The following KCNAB1 variants were observed in gnomAD, a reference collection of about 807,000 sequenced individuals.
The protein encoded by KCNAB1 is potassium voltage-gated channel subfamily A regulatory beta subunit 1, also known as voltage-gated potassium channel subunit beta-1.
Under a neutral mutation model 64.6 loss-of-function variants are expected in KCNAB1, and 35 were observed. The ratio of observed to expected loss-of-function variants is 0.54; its 90% CI spans 0.41 to 0.72. The LOEUF is 0.72. Ranked by LOEUF, KCNAB1 falls within the 30% of genes least tolerant of loss-of-function variation. The pLI is 0.00. For missense variants in KCNAB1, 401 were observed against 512.9 expected (o/e 0.78, Z 2.11); for synonymous variants, 177 against 183.8 (o/e 0.96, Z 0.30).
At chr3:156,237,344 C>T (rs2108443642) in intron 1 of KCNAB1, among the ~76,000 whole-genome samples, 1 of 152,072 alleles carries the variant, frequency 6.6e-6, no homozygotes, top group East Asian at 1.9e-4. Context: ...AGAAAGTAAA[C>T]AGGGTTTTTC....
At chr3:156,195,957 T>G (rs1465825228) in intron 1 of KCNAB1, among the ~76,000 whole-genome samples, 1 of 152,184 alleles carries the variant, frequency 6.6e-6, no homozygotes, top group Non-Finnish European at 1.5e-5. Context: ...TGAAGTTAAT[T>G]TTTGTATAAA....
intron 1 of KCNAB1, among the ~76,000 whole-genome samples, chr3:156,297,987 T>C (rs140043796): frequency 2.0e-5 from 3 of 152,352 alleles, no homozygotes; most frequent in Non-Finnish European, 4.4e-5. Flanking sequence ...TTATTGTTTT[T>C]TGGTAAAGAA....
intron 8 of KCNAB1, among the ~76,000 whole-genome samples, chr3:156,479,637 TA>T (rs1305318313): frequency 1.3e-5 from 2 of 152,210 alleles, no homozygotes; most frequent in Non-Finnish European, 2.9e-5. Flanking sequence ...AAATTTTAGT[TA>T]GTTTTTTATT....
chr3:156,272,094 G>A (rs1560168088), intron 1 of KCNAB1, among the ~76,000 whole-genome samples: 1 of 152,150 alleles, frequency 6.6e-6, no homozygotes, highest in Non-Finnish European at 1.5e-5. Flanking sequence ...TGGAGCTGGG[G>A]GAGGAGTGAC....
intron 1 of KCNAB1, among the ~76,000 whole-genome samples, chr3:156,295,242 G>A (rs186807802): frequency 1.5e-3 from 224 of 152,244 alleles, no homozygotes; most frequent in Non-Finnish European, 2.6e-3. Flanking sequence ...TGGGGCATGA[G>A]TAATTGTGCG....
At chr3:156,309,637 T>A (rs1398122988) in intron 1 of KCNAB1, among the ~76,000 whole-genome samples, 6 of 152,192 alleles carry the variant, frequency 3.9e-5, no homozygotes, top group Non-Finnish European at 8.8e-5. Flanking sequence ...CCCATTAAAA[T>A]TAAAATAATA....
Position 156,508,104 on chromosome 3 carries a change from A to C in KCNAB1, c.659-6260A>C, listed in dbSNP as rs1304433952. On this transcript the variant is annotated intron_variant, in intron 8 of 13. Transcript: ENST00000490337. The surrounding 1 kb of genome is among the most constrained non-coding windows in gnomAD (Gnocchi z 4.1). ...TTCTCAGTATTTTGCAAGCATATTT[A>C]AAATATTTATAATTGTTAATAATAT... Among the ~76,000 whole-genome samples the C allele has an allele frequency of 6.6e-6, 1 of 152,186 alleles. No homozygotes were observed. Among genetic ancestry groups the C allele is most frequent in the East Asian group, 1.9e-4 (1 of 5,206 alleles).
At chr3:156,229,183 A>G (rs35489883) in intron 1 of KCNAB1, among the ~76,000 whole-genome samples, 17,198 of 152,228 alleles carry the variant, frequency 0.11, 1,227 homozygotes, top group Non-Finnish European at 0.16. Context: ...CCTGAGACTG[A>G]GTAATTTGTA....
At chr3:156,133,798 A>G (rs1044677072) in intron 1 of KCNAB1, among the ~76,000 whole-genome samples, 1 of 152,238 alleles carries the variant, frequency 6.6e-6, no homozygotes, top group African/African-American at 2.4e-5. Context: ...CTAGACTTAC[A>G]CAAGAATGCA....
intron 1 of KCNAB1, among the ~76,000 whole-genome samples, chr3:156,223,649 C>T (rs999461090): frequency 1.3e-5 from 2 of 152,156 alleles, no homozygotes; most frequent in African/African-American, 4.8e-5. Flanking sequence ...CATAAAGGTT[C>T]TCCAAGTTCC....
chr3:156,397,841 C>A (rs1473790802), intron 1 of KCNAB1, among the ~76,000 whole-genome samples: 3 of 152,050 alleles, frequency 2.0e-5, no homozygotes, highest in Non-Finnish European at 4.4e-5. Flanking sequence ...GGAAAAACAA[C>A]TAATAATTGA....
intron 8 of KCNAB1, among the ~76,000 whole-genome samples, chr3:156,477,223 G>C (rs1038117951): frequency 1.3e-5 from 2 of 152,100 alleles, no homozygotes; most frequent in Admixed American, 6.6e-5. Flanking sequence ...AGTGGAGTTC[G>C]TAACTGCAGC....
At chr3:156,274,411 C>T (rs541908266) in intron 1 of KCNAB1, among the ~76,000 whole-genome samples, 1 of 152,194 alleles carries the variant, frequency 6.6e-6, no homozygotes, top group South Asian at 2.1e-4. Flanking sequence ...CTTGTGACAC[C>T]CTTATAATAA....
At chr3:156,338,302 A>ATTTTTTTTTTT (rs1723857966) in intron 1 of KCNAB1, among the ~76,000 whole-genome samples, 2 of 17,298 alleles carry the variant, frequency 1.2e-4, no homozygotes, top group Non-Finnish European at 2.3e-4. Flanking sequence ...TGGCATTTGC[A>ATTTTTTTTTTT]CTTTTTTTTT....
intron 5 of KCNAB1, among the ~76,000 whole-genome samples, chr3:156,461,808 T>C (rs1044357971): frequency 6.6e-6 from 1 of 152,236 alleles, no homozygotes; most frequent in Non-Finnish European, 1.5e-5. Flanking sequence ...TGCCTTTCAT[T>C]CTTGCAAATA....
chr3:156,245,680 G>T (rs766881586), intron 1 of KCNAB1, among the ~76,000 whole-genome samples: 5 of 152,150 alleles, frequency 3.3e-5, no homozygotes, highest in African/African-American at 1.2e-4. Flanking sequence ...GACTGGAAAC[G>T]TAACGAAAAG....
In KCNAB1 at chr3:156,120,847, G is replaced by T. The variant is rs1415410483; in HGVS notation, c.236G>T (p.Ser79Ile). 6.2e-7 allele frequency: 1 copy of T among 1,614,046 alleles called. No individual in the cohort carries two copies. The highest frequency in any genetic ancestry group is 8.5e-7 in the Non-Finnish European group (1 of 1,180,034). The change falls in exon 1 of 14, where the codon AGC (serine) becomes ATC (isoleucine). Residue 79 changes from serine to isoleucine, a missense_variant. Ser to Ile is a moderately radical substitution (Grantham distance 142). Coordinates refer to ENST00000490337, the MANE Select transcript of KCNAB1 (RefSeq NM_172160.3). ...NWYLKLCDLS[S>I]EHTTVCTTGM... is the part of the protein sequence containing the mutation. ...TACCTAAAGCTCTGCGACCTGTCCA[G>T]CGAGCACACCACCGTCTGCACCACA...
chr3:156,261,913 AAT>A (rs1718454315), intron 1 of KCNAB1, among the ~76,000 whole-genome samples: 1 of 151,980 alleles, frequency 6.6e-6, no homozygotes. Context: ...GTTTTGTAGT[AAT>A]CAGTATGCAA....
At chr3:156,245,461 T>C (rs1271339361) in intron 1 of KCNAB1, among the ~76,000 whole-genome samples, 26 of 152,214 alleles carry the variant, frequency 1.7e-4, no homozygotes, top group Admixed American at 1.7e-3. Flanking sequence ...ACTGGTTTTA[T>C]TCACATTTCA....
Sources: allele counts gnomAD v4.1 joint callset (sites outside exome capture counted in the v4.1 genomes callset), GRCh38; gene constraint gnomAD v4.1.1; non-coding constraint Gnocchi (gnomAD v3.1); transcripts MANE v1.5; gene names NCBI Gene and HGNC (gene_info 2026-07-23, HGNC 2026-07-21).